Variants in LRRIQ1 observed in about 807,000 individuals in gnomAD.
LRRIQ1 encodes leucine-rich repeat- and IQ domain-containing protein 1.
In LRRIQ1, 210 loss-of-function variants were observed where a neutral mutation model predicts 211.9. The ratio of observed to expected loss-of-function variants is 0.99; its 90% CI spans 0.89 to 1.11. The LOEUF (loss-of-function observed/expected upper bound fraction) is 1.11. Among genes scored for constraint, LRRIQ1 ranks in the 50% most tolerant of loss-of-function variants. The pLI, the probability that LRRIQ1 is intolerant of heterozygous loss-of-function variation, is 0.00. For missense variants in LRRIQ1, 2,136 were observed against 1,939.5 expected (o/e 1.10, Z -1.90); for synonymous variants, 699 against 650.1 (o/e 1.08, Z -1.14).
intron 12 of LRRIQ1, 133 bp from the exon 13 acceptor site, chr12:85,098,734 G>T (rs1886115066): frequency 1.4e-6 from 1 of 721,746 alleles, no homozygotes; most frequent in Non-Finnish European, 2.1e-6. Flanking sequence ...TATTTAAAAA[G>T]TCTTATACCT....
At chr12:85,170,574 T>G (rs377038332) in intron 24 of LRRIQ1, among the ~76,000 whole-genome samples, 1 of 151,322 alleles carries the variant, frequency 6.6e-6, no homozygotes, top group Admixed American at 6.6e-5. Flanking sequence ...ATGAGAGATA[T>G]GTATATGGTT....
intron 24 of LRRIQ1, among the ~76,000 whole-genome samples, chr12:85,198,847 T>C (rs562219453): frequency 2.6e-5 from 4 of 152,246 alleles, no homozygotes; most frequent in East Asian, 1.9e-4. Context: ...GGATTACAGG[T>C]GTGAGACACC....
Position 85,098,880 on chromosome 12 carries a change from A to C in LRRIQ1, c.3095A>C (p.Glu1032Ala), listed in dbSNP as rs139758674. 1,600 of 1,556,822 alleles carry C rather than the reference A, an allele frequency of 1.0e-3. 17 individuals carry two copies. The African/African-American group carries it at 0.018, about 18-fold the overall frequency. ...GNYLSELPSL[E>A]NLVLLRELHL... Reference sequence around the variant, plus strand: ...ATTTAAATATAGCTTCCATCCTTGGAGAATCTTGTTTTACTAAGAGAATTG... The same window carrying C: ...ATTTAAATATAGCTTCCATCCTTGGCGAATCTTGTTTTACTAAGAGAATTG... Residue 1032 changes from glutamate (E) to alanine (A), a missense_variant, in exon 13 of 27, where the codon GAG (glutamate) becomes GCG (alanine). By Grantham distance (107) the Glu-to-Ala change is moderately radical. Transcript: ENST00000393217.
chr12:85,073,701 A>G (rs1883339406), intron 11 of LRRIQ1, among the ~76,000 whole-genome samples: 1 of 152,072 alleles, frequency 6.6e-6, no homozygotes, highest in South Asian at 2.1e-4. Context: ...CAAACAAGGT[A>G]AAAGACTTCT....
intron 14 of LRRIQ1, among the ~76,000 whole-genome samples, chr12:85,106,077 T>A (rs1886763197): frequency 1.3e-5 from 2 of 152,164 alleles, no homozygotes. Context: ...ATTACAGGTG[T>A]GAGCCACTGC....
chr12:85,160,741 G>C (rs1372333606), intron 24 of LRRIQ1, 27 bp downstream of exon 24: 1 of 1,218,464 alleles, frequency 8.2e-7, no homozygotes, highest in South Asian at 1.7e-5. Flanking sequence ...GATACATAGA[G>C]AGGTAAAAAG....
At chr12:85,208,203 CAA>C (rs200973378) in intron 24 of LRRIQ1, among the ~76,000 whole-genome samples, 1 of 141,668 alleles carries the variant, frequency 7.1e-6, no homozygotes. Flanking sequence ...TATCCATTGT[CAA>C]AAAAAAAAGA....
chr12:85,036,573 C>T (rs1414155506), intron 1 of LRRIQ1, among the ~76,000 whole-genome samples, 166 bp downstream of exon 1: 5 of 152,116 alleles, frequency 3.3e-5, no homozygotes, highest in Non-Finnish European at 7.4e-5. Context: ...CTCCCTTCCA[C>T]CCTGGAGATT....
chr12:85,119,274 A>G (rs1276048411), intron 15 of LRRIQ1, among the ~76,000 whole-genome samples: 2 of 152,122 alleles, frequency 1.3e-5, no homozygotes, highest in Non-Finnish European at 2.9e-5. Flanking sequence ...GAATTTTTTC[A>G]TATTGACTTC....
At chr12:85,220,582 A>G (rs1042982030) in intron 24 of LRRIQ1, among the ~76,000 whole-genome samples, 5 of 151,318 alleles carry the variant, frequency 3.3e-5, no homozygotes, top group Admixed American at 6.6e-5. Context: ...GTAATTTTAT[A>G]TGAATGAGTA....
Position 85,131,586 on chromosome 12 carries a change from T to C in LRRIQ1, c.4209+3553T>C, listed in dbSNP as rs79603211. Among the ~76,000 whole-genome samples the C allele has an allele frequency of 4.1e-3, 625 of 152,278 alleles. 4 individuals are homozygous for C. The highest frequency in any genetic ancestry group is 0.014 in the African/African-American group (595 of 41,568). ...AGTAAAATAACATAGGATTTAATGTTACTTAACATAGGATTTCATGTCACT... is the reference window on the plus strand; with the variant it reads ...AGTAAAATAACATAGGATTTAATGTCACTTAACATAGGATTTCATGTCACT... On this transcript the variant is annotated intron_variant, in intron 18 of 26. Coordinates refer to ENST00000393217, the MANE Select transcript of LRRIQ1 (RefSeq NM_001079910.2).
At chr12:85,161,793 C>T (rs1890895524) in intron 24 of LRRIQ1, among the ~76,000 whole-genome samples, 1 of 152,178 alleles carries the variant, frequency 6.6e-6, no homozygotes, top group Non-Finnish European at 1.5e-5. Context: ...GTAATCCCAG[C>T]ACTTTGGGAG....
intron 26 of LRRIQ1, among the ~76,000 whole-genome samples, chr12:85,233,938 TATA>T (rs1052429681): frequency 2.0e-5 from 3 of 152,076 alleles, no homozygotes; most frequent in African/African-American, 7.2e-5. Context: ...AAAGAAGTGA[TATA>T]ATATTTTGGT....
intron 14 of LRRIQ1, 77 bp from the exon 15 acceptor site, chr12:85,106,445 A>T (rs1204071145): frequency 6.0e-6 from 6 of 1,002,490 alleles, no homozygotes; most frequent in Admixed American, 4.4e-5. Flanking sequence ...CAAACCAGTA[A>T]ATACAGTGGT....
chr12:85,110,286 G>A (rs952915928), intron 15 of LRRIQ1, among the ~76,000 whole-genome samples: 3 of 152,090 alleles, frequency 2.0e-5, no homozygotes, highest in East Asian at 1.9e-4. Context: ...GAGATAAAAT[G>A]TAGGCACAGA....
At chr12:85,233,038 C>CT (rs1357028835) in intron 26 of LRRIQ1, 1 of 314,656 alleles carries the variant, frequency 3.2e-6, no homozygotes, top group East Asian at 7.5e-5. Flanking sequence ...AAAATTGAAA[C>CT]TTTTTTCTTG....
intron 24 of LRRIQ1, among the ~76,000 whole-genome samples, chr12:85,162,513 A>G (rs1334377018): frequency 1.3e-5 from 2 of 152,140 alleles, no homozygotes; most frequent in Non-Finnish European, 2.9e-5. Flanking sequence ...CATATCTCAG[A>G]CTCATAAAGA....
intron 24 of LRRIQ1, among the ~76,000 whole-genome samples, chr12:85,163,207 C>T (rs955857417): frequency 3.3e-5 from 5 of 152,110 alleles, no homozygotes; most frequent in Non-Finnish European, 5.9e-5. Context: ...ATAAAATGCA[C>T]CTCTTTTAAA....
Position 85,040,532 on chromosome 12 carries a change from A to C in LRRIQ1, c.175A>C (p.Ile59Leu), listed in dbSNP as rs771842429. ...AGAATCAGTTCTTCACTGTATTAACATCATAAAGAACAGGAGTAAAGCTGT... is the reference window on the plus strand; with the variant it reads ...AGAATCAGTTCTTCACTGTATTAACCTCATAAAGAACAGGAGTAAAGCTGT... Reference protein sequence around the residue: ...LPESVLHCINIIKNRSKAVEE... With the variant: ...LPESVLHCINLIKNRSKAVEE... The change falls in exon 3 of 27, where the codon ATC becomes CTC. Residue 59 changes from isoleucine (I) to leucine (L), a missense_variant. Ile to Leu is a conservative substitution (Grantham distance 5). Coordinates refer to ENST00000393217, the MANE Select transcript of LRRIQ1 (RefSeq NM_001079910.2). 1 of 1,595,882 alleles carries C rather than the reference A, an allele frequency of 6.3e-7. No homozygotes were observed. Among genetic ancestry groups the C allele is most frequent in the South Asian group, 1.1e-5 (1 of 87,764 alleles).
Sources: gnomAD v4.1 joint callset for allele counts (sites outside exome capture counted in the v4.1 genomes callset) on GRCh38, gnomAD v4.1.1 for gene constraint, MANE v1.5 for transcripts, NCBI Gene and HGNC (gene_info 2026-07-23, HGNC 2026-07-21) for gene names.